Variants in MME observed in about 807,000 individuals in gnomAD.
The protein encoded by MME is membrane metalloendopeptidase, also known as neprilysin.
In MME, 98 loss-of-function variants were observed where a neutral mutation model predicts 113.2. The observed-to-expected ratio is 0.87, with a 90% CI of 0.74 to 1.02. MME has a LOEUF of 1.02. Among genes scored for constraint, MME ranks in the 50% least tolerant of loss-of-function variants. MME has a pLI of 0.00. For missense variants in MME, 836 were observed against 896.0 expected, an observed-to-expected ratio of 0.93 and a Z score of 0.86; for synonymous variants, 292 against 300.6, an observed-to-expected ratio of 0.97 and a Z score of 0.30.
At chr3:155,045,517 A>G (rs1470791203) in intron 1 of MME, among the ~76,000 whole-genome samples, 1 of 149,880 alleles carries the variant, frequency 6.7e-6, no homozygotes, top group East Asian at 1.9e-4. Flanking sequence ...TTTCAAAATT[A>G]ATTATCTTTT....
At chr3:155,110,087 T>C (rs1188203518) in intron 3 of MME, among the ~76,000 whole-genome samples, 1 of 152,196 alleles carries the variant, frequency 6.6e-6, no homozygotes, top group Non-Finnish European at 1.5e-5. Flanking sequence ...GGAGAGGCTG[T>C]GGCTGCAGAG....
intron 17 of MME, among the ~76,000 whole-genome samples, chr3:155,166,438 G>T (rs61760390): frequency 2.9e-3 from 438 of 152,266 alleles, no homozygotes; most frequent in Middle Eastern, 0.024. Context: ...ATTGTAGATG[G>T]ATACAATTTC....
chr3:155,049,449 T>A (rs918637329), intron 1 of MME, among the ~76,000 whole-genome samples: 3 of 151,964 alleles, frequency 2.0e-5, no homozygotes, highest in African/African-American at 7.2e-5. Context: ...AGAGAGGAAG[T>A]AGCTTTGGAA....
Position 155,074,586 on chromosome 3 carries a change from G to A in MME, c.-10-9572G>A, listed in dbSNP as rs943458503. On this transcript the variant is annotated intron_variant, in intron 1 of 22. Coordinates refer to the MME transcript ENST00000492661. ...AGCTGGGATTACAAGCACGTGCCAC[G>A]ACACCCATCAGATTTTTGTATTTTT... 4.0e-5 allele frequency among the ~76,000 whole-genome samples: 6 copies of A among 151,770 alleles called. No homozygotes were observed. In the South Asian group the frequency reaches 1.2e-3, roughly 32 times the overall value.
In MME at chr3:155,180,400, G is replaced by A; in HGVS notation, c.2194G>A (p.Ala732Thr). The change falls in exon 23 of 23, where the codon GCC becomes ACC. Residue 732 changes from alanine (A) to threonine (T), a missense_variant. Ala to Thr is a moderately conservative substitution (Grantham distance 58, BLOSUM62 0). Coordinates refer to ENST00000360490, the MANE Select transcript of MME (RefSeq NM_007289.4). The stretch of plus-strand genomic sequence containing the variant: ...GCAGAACTCTGCAGAGTTTTCAGAA[G>A]CCTTTCACTGCCGCAAGAATTCATA... ...TLQNSAEFSE[A>T]FHCRKNSYMN... 3.1e-6 allele frequency: 5 copies of A among 1,613,680 alleles called. No individual in the cohort carries two copies. Among genetic ancestry groups the A allele is most frequent in the Non-Finnish European group, 4.2e-6 (5 of 1,179,670 alleles).
intron 3 of MME, among the ~76,000 whole-genome samples, chr3:155,111,037 T>C (rs1005513144): frequency 8.5e-5 from 13 of 152,220 alleles, no homozygotes; most frequent in Non-Finnish European, 1.8e-4. Context: ...TAAGGAAACA[T>C]CTGAAGAGCC....
intron 1 of MME, among the ~76,000 whole-genome samples, chr3:155,033,268 T>C (rs548021875): frequency 6.6e-6 from 1 of 152,318 alleles, no homozygotes; most frequent in Non-Finnish European, 1.5e-5. Flanking sequence ...CCTGAAATTT[T>C]GTTCTATTTC....
rs559431014 is a variant in MME at position 155,147,507 on chromosome 3, C to T, written c.1497+283C>T. ...TAAAGAGTATCAAGGAAGGGATAGA[C>T]ATCAAGGTGGTGAACAACAGGCAGG... On this transcript the variant is annotated intron_variant, in intron 15 of 22. Transcript: ENST00000360490. Among the ~76,000 whole-genome samples, 14 of 152,238 alleles carry T rather than the reference C, an allele frequency of 9.2e-5. No individual in the cohort carries two copies. In the South Asian group the frequency reaches 2.9e-3, roughly 32 times the overall value.
At chr3:155,070,912 G>A (rs1290609877) in intron 1 of MME, among the ~76,000 whole-genome samples, 1 of 152,140 alleles carries the variant, frequency 6.6e-6, no homozygotes, top group Admixed American at 6.5e-5. Context: ...TGGGGTGTTT[G>A]GGTTTATTCC....
chr3:155,157,030 C>T (rs961210268), intron 16 of MME, among the ~76,000 whole-genome samples: 5 of 151,846 alleles, frequency 3.3e-5, no homozygotes, highest in Non-Finnish European at 5.9e-5. Context: ...TTCTTCAGGG[C>T]AATAAGAGAT....
At chr3:155,110,736 T>C (rs539889948) in intron 3 of MME, among the ~76,000 whole-genome samples, 1 of 152,286 alleles carries the variant, frequency 6.6e-6, no homozygotes, top group South Asian at 2.1e-4. Context: ...TAATACAAAT[T>C]GGAAAATAAA....
At chr3:155,063,719 A>C (rs909161122) in intron 1 of MME, among the ~76,000 whole-genome samples, 7 of 92,044 alleles carry the variant, frequency 7.6e-5, no homozygotes, top group South Asian at 3.2e-4. Context: ...TATATTATAT[A>C]TACCATTGCT....
At chr3:155,060,088 T>C (rs1714083441) in intron 1 of MME, among the ~76,000 whole-genome samples, 2 of 152,176 alleles carry the variant, frequency 1.3e-5, no homozygotes, top group African/African-American at 2.4e-5. Flanking sequence ...TTTGGCCTAC[T>C]AAGTCATAGA....
At chr3:155,070,793 T>C (rs1370421506) in intron 1 of MME, among the ~76,000 whole-genome samples, 1 of 152,144 alleles carries the variant, frequency 6.6e-6, no homozygotes, top group African/African-American at 2.4e-5. Context: ...CTTGTCCTAG[T>C]TTTGATTATC....
intron 1 of MME, among the ~76,000 whole-genome samples, chr3:155,049,049 T>C (rs1465347306): frequency 6.6e-6 from 1 of 152,166 alleles, no homozygotes; most frequent in Non-Finnish European, 1.5e-5. Context: ...CCATTTTATT[T>C]CTTTCTATTG....
At chr3:155,053,841 T>C (rs1280868869) in intron 1 of MME, among the ~76,000 whole-genome samples, 1 of 152,170 alleles carries the variant, frequency 6.6e-6, no homozygotes, top group African/African-American at 2.4e-5. Flanking sequence ...ATGACTACCA[T>C]GGGCCCAGAA....
At chr3:155,038,267 A>G (rs968477119) in intron 1 of MME, among the ~76,000 whole-genome samples, 3 of 152,162 alleles carry the variant, frequency 2.0e-5, no homozygotes, top group African/African-American at 7.2e-5. Context: ...AGCTTAGGCC[A>G]TGGCAGGACT....
intron 5 of MME, 49 bp downstream of exon 5, chr3:155,116,608 T>A (rs199609671): frequency 8.3e-5 from 81 of 977,576 alleles, no homozygotes; most frequent in Middle Eastern, 7.4e-4. Flanking sequence ...ATATATATAT[T>A]GGTGCCAAAC....
intron 8 of MME, among the ~76,000 whole-genome samples, chr3:155,124,739 G>A (rs796909333): frequency 5.9e-5 from 9 of 151,890 alleles, no homozygotes; most frequent in Middle Eastern, 3.4e-3. Flanking sequence ...TCGGGGGTCA[G>A]GGGTCAGGGA....
Sources: allele counts gnomAD v4.1 joint callset (sites outside exome capture counted in the v4.1 genomes callset), GRCh38; gene constraint gnomAD v4.1.1; transcripts MANE v1.5; gene names NCBI Gene and HGNC (gene_info 2026-07-23, HGNC 2026-07-21).